Variants in ETF1 observed in about 807,000 individuals in gnomAD.
ETF1 encodes eukaryotic translation termination factor 1.
Under a neutral mutation model 55.1 loss-of-function variants are expected in ETF1, and 4 were observed. The ratio of observed to expected loss-of-function variants is 0.07; its 90% CI spans 0.04 to 0.17. ETF1 has a LOEUF of 0.17. ETF1 is among the 10% of genes least tolerant of loss of function. The probability of loss-of-function intolerance (pLI) is 1.00; values close to 1 mark genes in which losing one functional copy is unlikely to be tolerated. For missense variants in ETF1, 142 were observed against 523.6 expected, an observed-to-expected ratio of 0.27 and a Z score of 7.11; for synonymous variants, 157 against 182.3, an observed-to-expected ratio of 0.86 and a Z score of 1.12.
chr5:138,519,205 T>C (rs112168236), intron 2 of ETF1: 1 of 985,036 alleles, frequency 1.0e-6, no homozygotes, highest in Admixed American at 6.1e-5. Context: ...GTAGTGAATC[T>C]GTCCGTGGGA....
intron 2 of ETF1, among the ~76,000 whole-genome samples, chr5:138,540,638 G>A (rs1766133922): frequency 6.6e-6 from 1 of 152,144 alleles, no homozygotes; most frequent in African/African-American, 2.4e-5. Context: ...CTGATTAAAA[G>A]CAAAGTAGGA....
chr5:138,524,075 A>G (rs1277336984), intron 2 of ETF1, among the ~76,000 whole-genome samples: 1 of 151,728 alleles, frequency 6.6e-6, no homozygotes, highest in Non-Finnish European at 1.5e-5. Context: ...AATCCCAGCT[A>G]CTCTGGAGGC....
chr5:138,508,461 A>G, intron 10 of ETF1, 74 bp from the exon 11 acceptor site: 1 of 1,599,400 alleles, frequency 6.3e-7, no homozygotes, highest in African/African-American at 1.3e-5. Context: ...TGGTAAGGGA[A>G]TAAGGGAAGC....
chr5:138,516,815 G>A (rs139758847), intron 4 of ETF1, among the ~76,000 whole-genome samples: 1,966 of 152,280 alleles, frequency 0.013, 23 homozygotes, highest in Middle Eastern at 0.041. Context: ...ACATGAAAAT[G>A]TATGGTCACA....
chr5:138,508,837 T>C, intron 9 of ETF1, 21 bp from the exon 10 acceptor site: 1 of 1,607,688 alleles, frequency 6.2e-7, no homozygotes, highest in Non-Finnish European at 8.5e-7. Flanking sequence ...GACCATGAGA[T>C]ACAAAAATGG....
chr5:138,541,625 ATGACAATCC>A, intron 2 of ETF1: 1 of 1,529,396 alleles, frequency 6.5e-7, no homozygotes, highest in South Asian at 1.2e-5. Context: ...CTACCCATAA[ATGACAATCC>A]TGGGCTGGAA....
intron 6 of ETF1, 36 bp from the exon 7 acceptor site, chr5:138,511,640 G>A: frequency 1.3e-6 from 2 of 1,554,526 alleles, no homozygotes; most frequent in Non-Finnish European, 8.7e-7. Flanking sequence ...GTACTTACTG[G>A]TACTTATTTA....
At chr5:138,516,474 T>TA (rs754883516) in intron 4 of ETF1, among the ~76,000 whole-genome samples, 9 of 152,058 alleles carry the variant, frequency 5.9e-5, no homozygotes, top group Admixed American at 2.0e-4. Context: ...CTGTCTCTAC[T>TA]AAAAAAACAC....
At chr5:138,541,494 A>G in intron 2 of ETF1, 1 of 1,485,398 alleles carries the variant, frequency 6.7e-7, no homozygotes, top group Non-Finnish European at 9.1e-7. Context: ...TAATTTATTA[A>G]GAACAAAACA....
intron 2 of ETF1, among the ~76,000 whole-genome samples, chr5:138,519,386 G>A (rs554847740): frequency 1.5e-4 from 23 of 152,040 alleles, no homozygotes; most frequent in South Asian, 6.3e-4. Context: ...TCTCTCGGCC[G>A]GGCACGATGG....
At chr5:138,538,533 G>A (rs1377014583) in intron 2 of ETF1, among the ~76,000 whole-genome samples, 1 of 152,152 alleles carries the variant, frequency 6.6e-6, no homozygotes, top group Non-Finnish European at 1.5e-5. Flanking sequence ...TTTGGGGGAA[G>A]GGAGGCATGG....
At chr5:138,517,136 T>C (rs984409653) in intron 4 of ETF1, among the ~76,000 whole-genome samples, 2 of 152,028 alleles carry the variant, frequency 1.3e-5, no homozygotes, top group African/African-American at 4.8e-5. Flanking sequence ...TTTGGGAGGC[T>C]AAGGTGGGTG....
At chr5:138,541,676 A>G in intron 2 of ETF1, 4 of 1,441,810 alleles carry the variant, frequency 2.8e-6, no homozygotes, top group Non-Finnish European at 3.7e-6. Context: ...GCTGAAATCA[A>G]CTTTTCACAT....
chr5:138,522,602 CG>C (rs1304652063), intron 2 of ETF1, among the ~76,000 whole-genome samples: 1 of 150,844 alleles, frequency 6.6e-6, no homozygotes, highest in East Asian at 1.9e-4. Flanking sequence ...ACAAAACAAA[CG>C]AAAAAAAGAA....
intron 4 of ETF1, among the ~76,000 whole-genome samples, chr5:138,516,472 A>G (rs528635621): frequency 4.6e-5 from 7 of 152,312 alleles, no homozygotes; most frequent in Admixed American, 4.6e-4. Flanking sequence ...CTCTGTCTCT[A>G]CTAAAAAAAC....
At position 138,512,955 on chromosome 5, in the gene ETF1, CT is replaced by C; in HGVS notation, c.542-2del. On this transcript the variant is annotated splice_acceptor_variant, in intron 5 of 10. Coordinates refer to ENST00000360541, the MANE Select transcript of ETF1 (RefSeq NM_004730.4). LOFTEE classifies it high-confidence loss of function. Reference sequence around the variant, plus strand: ...CGCAAGGCTGACTGACCTCCTCTACCTTTGACACAAAAGTAGCAAGAGAAAA... The same window carrying C: ...CGCAAGGCTGACTGACCTCCTCTACCTTGACACAAAAGTAGCAAGAGAAAA... 6.6e-7 allele frequency: 1 copy of C among 1,507,766 alleles called. No homozygotes were observed. The highest frequency in any genetic ancestry group is 1.4e-5 in the South Asian group (1 of 73,902). 93.4% of individuals were successfully genotyped at this position (1,507,766 alleles called of 1,614,324 possible).
chr5:138,520,947 T>A lies in ETF1; in HGVS notation c.87-2080A>T, dbSNP rs867646787. 3.4e-4 allele frequency among the ~76,000 whole-genome samples: 51 copies of A among 149,956 alleles called. 1 individual carries two copies. In the East Asian group the frequency reaches 5.2e-3, roughly 15 times the overall value. On this transcript the variant is annotated intron_variant, in intron 2 of 10. Transcript: ENST00000360541. Reference sequence around the variant, plus strand: ...GTGGTAGCTCTTCCAAAAAAAAAAATTTTTTTTTAACACCTAATTACCATA... The same window carrying A: ...GTGGTAGCTCTTCCAAAAAAAAAAAATTTTTTTTAACACCTAATTACCATA...
chr5:138,535,677 C>T (rs1280620069), intron 2 of ETF1, among the ~76,000 whole-genome samples: 2 of 147,124 alleles, frequency 1.4e-5, no homozygotes, highest in Non-Finnish European at 3.0e-5. Context: ...GCTGAGATCA[C>T]GCCACTGCAC....
chr5:138,510,893 C>T (rs1764748578), intron 8 of ETF1, 152 bp downstream of exon 8: 1 of 1,437,406 alleles, frequency 7.0e-7, no homozygotes, highest in Admixed American at 2.8e-5. Flanking sequence ...GCAGAAAAAT[C>T]TATGCAGGAA....
Sources: allele counts gnomAD v4.1 joint callset (sites outside exome capture counted in the v4.1 genomes callset), GRCh38; gene constraint gnomAD v4.1.1; transcripts MANE v1.5; gene names NCBI Gene and HGNC (gene_info 2026-07-23, HGNC 2026-07-21).